The following GASK1A variants were observed in gnomAD, a reference collection of about 807,000 sequenced individuals.
GASK1A encodes the protein golgi associated kinase 1A.
In GASK1A, 40 loss-of-function variants were observed where a neutral mutation model predicts 41.2. That is an observed-to-expected ratio of 0.97 (90% CI 0.75 to 1.27). GASK1A has a LOEUF of 1.27. GASK1A is among the 50% of genes most tolerant of loss of function. The probability of loss-of-function intolerance (pLI) is 0.00; values close to 1 mark genes in which losing one functional copy is unlikely to be tolerated. For missense variants in GASK1A, 678 were observed against 745.1 expected, an observed-to-expected ratio of 0.91 and a Z score of 1.05; for synonymous variants, 316 against 307.1, an observed-to-expected ratio of 1.03 and a Z score of -0.30.
chr3:42,988,406 C>T (rs1004936269), intron 1 of GASK1A, among the ~76,000 whole-genome samples: 17 of 152,138 alleles, frequency 1.1e-4, no homozygotes, highest in Non-Finnish European at 2.2e-4. Flanking sequence ...GTTCATGGTT[C>T]TATAAGAGCC....
rs2089715828 is a variant in GASK1A, at chr3:43,056,285, G to A, written c.1627G>A (p.Gly543Arg). 1 of 1,551,700 alleles carries A rather than the reference G, an allele frequency of 6.4e-7. No individual in the cohort carries two copies. The highest frequency in any genetic ancestry group is 1.4e-5 in the African/African-American group (1 of 73,170). ...CTGGGAAAGCCAAGGCGGAGCCCAG[G>A]GGCTGAAGCAGGTCCTCCAGACCCT... ...VFWESQGGAQGLKQVLQTLEQ... is the reference protein window; with the variant it reads ...VFWESQGGAQRLKQVLQTLEQ... The change falls in exon 5 of 5, where the codon GGG becomes AGG. Residue 543 changes from glycine (G) to arginine (R), a missense_variant. Coordinates refer to ENST00000430121, the MANE Select transcript of GASK1A (RefSeq NM_001129908.3).
At chr3:43,014,600 T>C (rs2089480654) in intron 1 of GASK1A, among the ~76,000 whole-genome samples, 1 of 150,360 alleles carries the variant, frequency 6.7e-6, no homozygotes, top group Non-Finnish European at 1.5e-5. Flanking sequence ...AGGAAGTGGC[T>C]TTGTGAAGTC....
At chr3:43,006,317 T>C (rs2089435926) in intron 1 of GASK1A, among the ~76,000 whole-genome samples, 1 of 152,196 alleles carries the variant, frequency 6.6e-6, no homozygotes, top group Non-Finnish European at 1.5e-5. Flanking sequence ...CATGTCTTCC[T>C]CTTTCTTGGC....
At chr3:43,008,402 C>T (rs749182515) in intron 1 of GASK1A, among the ~76,000 whole-genome samples, 12 of 152,340 alleles carry the variant, frequency 7.9e-5, no homozygotes, top group East Asian at 1.9e-4. Context: ...CCTCTGAAGC[C>T]GGAGGTCACC....
intron 1 of GASK1A, among the ~76,000 whole-genome samples, chr3:42,987,113 T>C (rs1021727040): frequency 9.2e-5 from 14 of 152,262 alleles, no homozygotes; most frequent in Non-Finnish European, 8.8e-5. Flanking sequence ...ATTTTACTTC[T>C]GCGCAGAGGG....
At chr3:43,040,333 G>A (rs1214631580) in intron 2 of GASK1A, among the ~76,000 whole-genome samples, 1 of 152,140 alleles carries the variant, frequency 6.6e-6, no homozygotes, top group African/African-American at 2.4e-5. Flanking sequence ...TCTGTTCCAG[G>A]AAAGGGTCTA....
At chr3:43,037,514 G>A (rs1359810867) in intron 2 of GASK1A, 1 of 449,374 alleles carries the variant, frequency 2.2e-6, no homozygotes, top group African/African-American at 2.0e-5. Context: ...TATCTGGAGA[G>A]AAAGAACCTG....
chr3:43,014,511 G>C (rs2089480257), intron 1 of GASK1A, among the ~76,000 whole-genome samples: 1 of 152,012 alleles, frequency 6.6e-6, no homozygotes, highest in African/African-American at 2.4e-5. Flanking sequence ...GAGGGGCATT[G>C]TGCAGCCACA....
At chr3:43,027,826 A>T in intron 1 of GASK1A, among the ~76,000 whole-genome samples, 1 of 152,236 alleles carries the variant, frequency 6.6e-6, no homozygotes. Context: ...ATTTGAAGAG[A>T]TTTATTCTGA....
At chr3:42,993,659 G>C (rs1190469178) in intron 1 of GASK1A, among the ~76,000 whole-genome samples, 1 of 151,626 alleles carries the variant, frequency 6.6e-6, no homozygotes, top group Non-Finnish European at 1.5e-5. Flanking sequence ...AATGTGATCT[G>C]TGTCTGGGGG....
intron 1 of GASK1A, among the ~76,000 whole-genome samples, chr3:43,017,469 T>C (rs1223424458): frequency 1.1e-5 from 1 of 90,516 alleles, no homozygotes; most frequent in Non-Finnish European, 2.2e-5. Context: ...GAGTTCACAG[T>C]AAGGGCTAGT....
In GASK1A at chr3:43,053,769, G is replaced by C. The variant is rs573290531; in HGVS notation, c.1413+126G>C. ...GGGTTTCCCAGTCTTGTTCTTTTCAGCAGCAGAACCAGTTGTTTGAATATT... is the reference window on the plus strand; with the variant it reads ...GGGTTTCCCAGTCTTGTTCTTTTCACCAGCAGAACCAGTTGTTTGAATATT... On this transcript the variant is annotated intron_variant, in intron 3 of 4. Coordinates refer to ENST00000430121, the MANE Select transcript of GASK1A (RefSeq NM_001129908.3). 45 of 1,083,468 alleles carry C rather than the reference G, an allele frequency of 4.2e-5. No individual in the cohort carries two copies. The African/African-American group carries it at 6.8e-4, about 16-fold the overall frequency. The allele number at this position is 1,083,468 out of a possible 1,614,324, so 67.1% of individuals were successfully genotyped here. A position where few individuals can be genotyped will look rare whatever the true frequency, so the allele number is the denominator to read the frequency against.
intron 1 of GASK1A, among the ~76,000 whole-genome samples, chr3:43,028,746 C>T (rs2089560313): frequency 6.6e-6 from 1 of 152,230 alleles, no homozygotes; most frequent in Non-Finnish European, 1.5e-5. Flanking sequence ...GAGGACCACA[C>T]AACTTACAAG....
chr3:43,011,139 T>G (rs2089461371), intron 1 of GASK1A, among the ~76,000 whole-genome samples: 1 of 152,114 alleles, frequency 6.6e-6, no homozygotes, highest in African/African-American at 2.4e-5. Flanking sequence ...ATCCCAACAC[T>G]TTGGGAGGCC....
Position 43,034,907 on chromosome 3 carries a change from G to A in GASK1A, c.1290+1354G>A, listed in dbSNP as rs151253538. Among the ~76,000 whole-genome samples the A allele has an allele frequency of 8.1e-4, 124 of 152,252 alleles. 1 individual carries two copies. The highest frequency in any genetic ancestry group is 7.4e-3 in the East Asian group (38 of 5,170). On this transcript the variant is annotated intron_variant, in intron 2 of 4. Transcript: ENST00000430121. ...CTTTATTGTCCGACACTCACCTACT[G>A]TCCTCCCGGCCTCTTGAATGTTACC...
chr3:43,024,741 G>A lies in GASK1A; in HGVS notation c.4-7526G>A, dbSNP rs577726747. Among the ~76,000 whole-genome samples the A allele has an allele frequency of 4.6e-5, 7 of 152,280 alleles. No individual in the cohort carries two copies. In the South Asian group the frequency reaches 6.2e-4, roughly 14 times the overall value. ...TCATTTTGCAGAGAGCTTCTCACGT[G>A]CCAGGCACTGTGATAGTCTGGAGAT... On this transcript the variant is annotated intron_variant, in intron 1 of 4. Transcript: ENST00000430121.
At chr3:43,009,634 C>T (rs959406299) in intron 1 of GASK1A, among the ~76,000 whole-genome samples, 3 of 152,210 alleles carry the variant, frequency 2.0e-5, no homozygotes, top group African/African-American at 4.8e-5. Context: ...ATGATATTTC[C>T]TTCCTACCTG....
At chr3:42,994,137 T>C (rs1215900901) in intron 1 of GASK1A, among the ~76,000 whole-genome samples, 3 of 152,218 alleles carry the variant, frequency 2.0e-5, no homozygotes, top group African/African-American at 2.4e-5. Context: ...CATTTTGATA[T>C]CTAGTCTTTG....
intron 1 of GASK1A, among the ~76,000 whole-genome samples, chr3:42,986,515 A>G (rs1331228850): frequency 6.6e-6 from 1 of 152,226 alleles, no homozygotes. Flanking sequence ...AAGGCATTCT[A>G]GCAGAAGGAA....
Sources: allele counts gnomAD v4.1 joint callset (sites outside exome capture counted in the v4.1 genomes callset), GRCh38; gene constraint gnomAD v4.1.1; transcripts MANE v1.5; gene names NCBI Gene and HGNC (gene_info 2026-07-23, HGNC 2026-07-21).